FLRT2: variants seen among roughly 807,000 people sequenced by gnomAD.
FLRT2 encodes fibronectin leucine rich transmembrane protein 2.
A neutral mutation model predicts 40.0 loss-of-function variants in FLRT2; 15 were observed. The observed-to-expected ratio is 0.38, with a 90% CI of 0.25 to 0.58. The LOEUF is 0.58. Ranked by LOEUF, FLRT2 falls within the 20% of genes least tolerant of loss-of-function variation. The pLI is 0.71. For synonymous variants in FLRT2, 380 were observed against 336.8 expected (o/e 1.13, Z -1.41); for missense variants, 726 against 840.0 (o/e 0.86, Z 1.68).
intron 1 of FLRT2, among the ~76,000 whole-genome samples, chr14:85,545,399 T>C (rs1594996926): frequency 6.6e-6 from 1 of 152,178 alleles, no homozygotes; most frequent in Non-Finnish European, 1.5e-5. Context: ...TGTTTTACTT[T>C]AGAGTTATTA....
chr14:85,566,679 A>C (rs1369191904), intron 1 of FLRT2, among the ~76,000 whole-genome samples: 1 of 151,932 alleles, frequency 6.6e-6, no homozygotes, highest in Non-Finnish European at 1.5e-5. Flanking sequence ...TGGAATATAC[A>C]AGGTTTATAT....
rs1211631014 is a variant in FLRT2 at position 85,646,166 on chromosome 14, T to C, written c.*22669T>C. ...GGCCGGTAAGAGTCACTGTTATCAT[T>C]CACCACAAGTTGCCTGAAGCAACCA... On this transcript the variant is annotated 3_prime_UTR_variant, in exon 2 of 2. Coordinates refer to ENST00000330753, the MANE Select transcript of FLRT2 (RefSeq NM_013231.6). The C allele has an allele frequency of 6.6e-6, 1 of 152,168 alleles. No individual in the cohort carries two copies. Among genetic ancestry groups the C allele is most frequent in the Non-Finnish European group, 1.5e-5 (1 of 68,038 alleles). The allele number at this position is 152,168 out of a possible 1,614,324, so 9.4% of individuals were successfully genotyped here.
At chr14:85,535,370 C>A (rs1490280395) in intron 1 of FLRT2, among the ~76,000 whole-genome samples, 4 of 138,388 alleles carry the variant, frequency 2.9e-5, no homozygotes, top group African/African-American at 1.1e-4. Flanking sequence ...AAAAAAACAA[C>A]AACATTTTGA....
chr14:85,590,493 T>C (rs956135547), intron 1 of FLRT2, among the ~76,000 whole-genome samples: 2 of 152,224 alleles, frequency 1.3e-5, no homozygotes, highest in Non-Finnish European at 2.9e-5. Context: ...GTATAGTAAA[T>C]TAAATCTTGT....
At position 85,622,103 on chromosome 14, in the gene FLRT2, G is replaced by A. The variant is rs917154794; in HGVS notation, c.589G>A (p.Asp197Asn). The change falls in exon 2 of 2, where the codon GAC becomes AAC. Residue 197 changes from aspartate (D) to asparagine (N), a missense_variant. Coordinates refer to ENST00000330753, the MANE Select transcript of FLRT2 (RefSeq NM_013231.6). Reference sequence around the variant, plus strand: ...TGAAAATCGAATTGCTGTCATATCCGACATGGCCTTCCAGAATCTCACGAG... The same window carrying A: ...TGAAAATCGAATTGCTGTCATATCCAACATGGCCTTCCAGAATCTCACGAG... ...VDENRIAVIS[D>N]MAFQNLTSLE... 7 of 1,614,026 alleles carry A rather than the reference G, an allele frequency of 4.3e-6. No individual in the cohort carries two copies. Among genetic ancestry groups the A allele is most frequent in the Admixed American group, 1.7e-5 (1 of 59,994 alleles).
At chr14:85,603,994 T>C (rs1892501266) in intron 1 of FLRT2, among the ~76,000 whole-genome samples, 1 of 152,190 alleles carries the variant, frequency 6.6e-6, no homozygotes, top group Non-Finnish European at 1.5e-5. Flanking sequence ...CATGGCTGCT[T>C]TAACAGAAAT....
At position 85,651,054 on chromosome 14, in the gene FLRT2, T is replaced by G. The variant is rs1341130247; in HGVS notation, c.*27557T>G. The stretch of plus-strand genomic sequence containing the variant: ...AGGCTATACATTTCCCTCTAAGAAC[T>G]AATTTAGCTGCCTCCCTCAATCTTT... On this transcript the variant is annotated 3_prime_UTR_variant, in exon 2 of 2. Transcript: ENST00000330753. 3 of 152,078 alleles carry G rather than the reference T, an allele frequency of 2.0e-5. No homozygotes were observed. The highest frequency in any genetic ancestry group is 6.6e-5 in the Admixed American group (1 of 15,212). The allele number at this position is 152,078 out of a possible 1,614,324, so 9.4% of individuals were successfully genotyped here.
In FLRT2 at chr14:85,627,577, T is replaced by TAC. The variant is rs34410873; in HGVS notation, c.*4102_*4103dup. ...TTATTATCAAACATGCACATGCTTG[T>TAC]ACACACACACACACACACACACAAA... On this transcript the variant is annotated 3_prime_UTR_variant, in exon 2 of 2. Coordinates refer to ENST00000330753, the MANE Select transcript of FLRT2 (RefSeq NM_013231.6). The TAC allele has an allele frequency of 0.39, 63,999 of 163,756 alleles. 12,003 individuals are homozygous for TAC. Among genetic ancestry groups the TAC allele is most frequent in the Middle Eastern group, 0.45 (132 of 294 alleles). The allele number at this position is 163,756 out of a possible 1,614,324, so 10.1% of individuals were successfully genotyped here. A position where few individuals can be genotyped will look rare whatever the true frequency, so the allele number is the denominator to read the frequency against.
intron 1 of FLRT2, among the ~76,000 whole-genome samples, chr14:85,545,166 G>A (rs751777134): frequency 1.3e-5 from 2 of 152,174 alleles, no homozygotes; most frequent in Non-Finnish European, 2.9e-5. Context: ...ATTACAAAGA[G>A]TATTGGCAGG....
chr14:85,552,396 G>A (rs1473882172), intron 1 of FLRT2, among the ~76,000 whole-genome samples: 2 of 152,194 alleles, frequency 1.3e-5, no homozygotes, highest in African/African-American at 4.8e-5. Flanking sequence ...GATTAAATAA[G>A]ATAATCCACA....
chr14:85,601,915 G>T (rs1314764426), intron 1 of FLRT2, among the ~76,000 whole-genome samples: 2 of 152,100 alleles, frequency 1.3e-5, no homozygotes, highest in Non-Finnish European at 2.9e-5. Flanking sequence ...GGAATGTTTT[G>T]AATATCAGGT....
rs1022672609 is a variant in FLRT2 at position 85,645,001 on chromosome 14, G to C, written c.*21504G>C. The stretch of plus-strand genomic sequence containing the variant: ...CCTTGTGAGGGACAGTTCTTGTCTT[G>C]CTAATAGAAATAGATGCCGAAAGAG... On this transcript the variant is annotated 3_prime_UTR_variant, in exon 2 of 2. Transcript: ENST00000330753. The C allele has an allele frequency of 6.6e-6, 1 of 152,048 alleles. No homozygotes were observed. The highest frequency in any genetic ancestry group is 2.1e-4 in the South Asian group (1 of 4,820). The allele number at this position is 152,048 out of a possible 1,614,324, so 9.4% of individuals were successfully genotyped here. A position where few individuals can be genotyped will look rare whatever the true frequency, so the allele number is the denominator to read the frequency against.
rs2139378482 is a variant in FLRT2, at chr14:85,626,282, T to C, written c.*2785T>C. Reference sequence around the variant, plus strand: ...AGTCATGGGAATGTATATTTGCTGATATATCTGCTCTGTGTTTGGGCCTCT... The same window carrying C: ...AGTCATGGGAATGTATATTTGCTGACATATCTGCTCTGTGTTTGGGCCTCT... On this transcript the variant is annotated 3_prime_UTR_variant, in exon 2 of 2. Transcript: ENST00000330753. 6.0e-6 allele frequency: 1 copy of C among 167,272 alleles called. No homozygotes were observed. Among genetic ancestry groups the C allele is most frequent in the Middle Eastern group, 3.4e-3 (1 of 296 alleles). 10.4% of individuals were successfully genotyped at this position (167,272 alleles called of 1,614,324 possible). A position where few individuals can be genotyped will look rare whatever the true frequency, so the allele number is the denominator to read the frequency against.
chr14:85,558,816 G>A (rs1269868439), intron 1 of FLRT2, among the ~76,000 whole-genome samples: 2 of 152,148 alleles, frequency 1.3e-5, no homozygotes, highest in Non-Finnish European at 2.9e-5. Context: ...ATTTGACATG[G>A]TTTGTCTTTA....
At chr14:85,601,246 A>G (rs983830445) in intron 1 of FLRT2, among the ~76,000 whole-genome samples, 4 of 152,144 alleles carry the variant, frequency 2.6e-5, no homozygotes, top group African/African-American at 9.7e-5. Flanking sequence ...GCAGGCGGTA[A>G]ACTATGAGTC....
At chr14:85,607,471 AACAGAAAAGTAGGGAGT>A (rs1892673500) in intron 1 of FLRT2, among the ~76,000 whole-genome samples, 4 of 152,224 alleles carry the variant, frequency 2.6e-5, no homozygotes, top group Non-Finnish European at 5.9e-5. Flanking sequence ...TTATTCATTG[AACAGAAAAGTAGGGAGT>A]CAGTGGATTC....
chr14:85,552,808 G>A (rs1595009095), intron 1 of FLRT2: 1 of 152,158 alleles, frequency 6.6e-6, no homozygotes, highest in Non-Finnish European at 1.5e-5. Context: ...ATGTGAGGAG[G>A]TATTCCTGCA....
intron 1 of FLRT2, among the ~76,000 whole-genome samples, chr14:85,616,990 G>A (rs1766541437): frequency 6.6e-6 from 1 of 152,054 alleles, no homozygotes; most frequent in Admixed American, 6.5e-5. Flanking sequence ...GAAAATTGTG[G>A]CAATAAAGCC....
chr14:85,597,002 T>C (rs1892168459), intron 1 of FLRT2, among the ~76,000 whole-genome samples: 1 of 152,222 alleles, frequency 6.6e-6, no homozygotes, highest in South Asian at 2.1e-4. Flanking sequence ...GCCTTTATTA[T>C]ATTTTATTGC....
Sources: allele counts gnomAD v4.1 joint callset (sites outside exome capture counted in the v4.1 genomes callset), GRCh38; gene constraint gnomAD v4.1.1; transcripts MANE v1.5; gene names NCBI Gene and HGNC (gene_info 2026-07-23, HGNC 2026-07-21).